NDST4: variants seen among roughly 807,000 people sequenced by gnomAD.
The protein encoded by NDST4 is N-deacetylase and N-sulfotransferase 4.
In NDST4, 63 loss-of-function variants were observed where a neutral mutation model predicts 100.8. That is an observed-to-expected ratio of 0.62 (90% confidence interval 0.51 to 0.77). The LOEUF (loss-of-function observed/expected upper bound fraction) is 0.77, where lower values mean the gene tolerates loss of function less well. Ranked by LOEUF, NDST4 falls within the 30% of genes least tolerant of loss-of-function variation. The pLI is 0.00. For synonymous variants in NDST4, 377 were observed against 361.8 expected (o/e 1.04, Z -0.48); for missense variants, 943 against 1,018.4 (o/e 0.93, Z 1.01).
chr4:115,059,368 T>G (rs1728769785), intron 2 of NDST4, among the ~76,000 whole-genome samples: 1 of 152,080 alleles, frequency 6.6e-6, no homozygotes, highest in Admixed American at 6.6e-5. Context: ...AAATATCTCC[T>G]CTCCACACTG....
chr4:114,859,684 A>G (rs931277653), intron 7 of NDST4, among the ~76,000 whole-genome samples: 2 of 152,200 alleles, frequency 1.3e-5, no homozygotes, highest in Admixed American at 6.5e-5. Context: ...CTCAGGGGAT[A>G]GCCCACCTCC....
Sources: gnomAD v4.1 joint callset for allele counts (sites outside exome capture counted in the v4.1 genomes callset) on GRCh38, gnomAD v4.1.1 for gene constraint, MANE v1.5 for transcripts, NCBI Gene and HGNC (gene_info 2026-07-23, HGNC 2026-07-21) for gene names.